KIF13B: variants seen among roughly 807,000 people sequenced by gnomAD.
KIF13B encodes kinesin family member 13B, also known as kinesin-like protein KIF13B.
In KIF13B, 127 loss-of-function variants were observed where a neutral mutation model predicts 222.0. The ratio of observed to expected loss-of-function variants is 0.57; its 90% CI spans 0.50 to 0.66. The LOEUF (loss-of-function observed/expected upper bound fraction) is 0.66. KIF13B is among the 30% of genes least tolerant of loss of function. KIF13B has a pLI of 0.00. For missense variants in KIF13B, 2,173 were observed against 2,379.0 expected (o/e 0.91, Z 1.80); for synonymous variants, 976 against 919.0 (o/e 1.06, Z -1.12).
chr8:29,202,420 C>T (rs555268084), intron 2 of KIF13B, among the ~76,000 whole-genome samples: 2 of 152,210 alleles, frequency 1.3e-5, no homozygotes, highest in East Asian at 3.9e-4. Flanking sequence ...TGGGTTCAAG[C>T]GATTCTTCTG....
At chr8:29,229,325 C>T (rs1285255524) in intron 2 of KIF13B, among the ~76,000 whole-genome samples, 2 of 152,112 alleles carry the variant, frequency 1.3e-5, no homozygotes, top group Non-Finnish European at 2.9e-5. Flanking sequence ...CGAGCTTAGG[C>T]AGATCTGAGT....
Position 29,113,442 on chromosome 8 carries a change from T to C in KIF13B, c.3930+21A>G, listed in dbSNP as rs1217571269. ...TTTTTAAGTGTTTATTTTTAGTAAA[T>C]TTAAATTGTATATCCTTCACCTCTG... On this transcript the variant is annotated intron_variant, in intron 32 of 39. Coordinates refer to ENST00000524189, the MANE Select transcript of KIF13B (RefSeq NM_015254.4). 5 of 1,449,896 alleles carry C rather than the reference T, an allele frequency of 3.4e-6. No individual in the cohort carries two copies. In the South Asian group the frequency reaches 5.0e-5, roughly 14 times the overall value. The allele number at this position is 1,449,896 out of a possible 1,614,324, so 89.8% of individuals were successfully genotyped here.
At chr8:29,204,022 A>G (rs1318348180) in intron 2 of KIF13B, among the ~76,000 whole-genome samples, 3 of 152,168 alleles carry the variant, frequency 2.0e-5, no homozygotes, top group Non-Finnish European at 2.9e-5. Flanking sequence ...AAGAGCAGTT[A>G]GACATCTCCT....
chr8:29,173,106 G>A (rs995024937), intron 10 of KIF13B, among the ~76,000 whole-genome samples: 2 of 151,938 alleles, frequency 1.3e-5, no homozygotes, highest in African/African-American at 2.4e-5. Context: ...GTAGAGATGC[G>A]ATTTCACCAT....
chr8:29,127,907 AAAC>A (rs1810186463), intron 24 of KIF13B, among the ~76,000 whole-genome samples: 1 of 152,040 alleles, frequency 6.6e-6, no homozygotes, highest in South Asian at 2.1e-4. Context: ...GTTTTATACA[AAAC>A]AATAACCTTA....
intron 36 of KIF13B, 131 bp downstream of exon 36, chr8:29,099,002 G>A: frequency 2.6e-6 from 2 of 758,462 alleles, no homozygotes; most frequent in Non-Finnish European, 2.3e-6. Context: ...AACCTGTTAA[G>A]AGGAGAAATG....
intron 2 of KIF13B, among the ~76,000 whole-genome samples, chr8:29,231,742 T>C (rs1453850577): frequency 2.6e-5 from 4 of 152,186 alleles, no homozygotes; most frequent in Non-Finnish European, 4.4e-5. Context: ...CACAGTAATT[T>C]TGTAGCTGTT....
chr8:29,179,673 G>C (rs1454610149), intron 8 of KIF13B, among the ~76,000 whole-genome samples: 1 of 152,298 alleles, frequency 6.6e-6, no homozygotes, highest in East Asian at 1.9e-4. Flanking sequence ...TGCTGGCAGC[G>C]GGACTGGGGA....
Position 29,070,832 on chromosome 8 carries a change from T to G in KIF13B, c.5219-66A>C. The G allele has an allele frequency of 6.5e-7, 1 of 1,530,390 alleles. No homozygotes were observed. The highest frequency in any genetic ancestry group is 2.4e-5 in the East Asian group (1 of 41,116). 94.8% of individuals were successfully genotyped at this position (1,530,390 alleles called of 1,614,324 possible). On this transcript the variant is annotated intron_variant, in intron 39 of 39. Coordinates refer to ENST00000524189, the MANE Select transcript of KIF13B (RefSeq NM_015254.4). This position sits in a 1 kb window ranked among gnomAD's most constrained non-coding sequence, Gnocchi z 4.1. ...TGCAGACGGCCCCCTGCACCTCCCT[T>G]ACCTCTGCAGAGGCCATGTGCCCAC...
chr8:29,085,750 T>C (rs1314409003), intron 37 of KIF13B, among the ~76,000 whole-genome samples: 5 of 106,846 alleles, frequency 4.7e-5, no homozygotes, highest in Non-Finnish European at 5.1e-5. Flanking sequence ...GGAGCCAGGC[T>C]GGGATGGGAG....
intron 2 of KIF13B, among the ~76,000 whole-genome samples, chr8:29,204,150 C>T (rs1404583366): frequency 6.6e-6 from 1 of 152,130 alleles, no homozygotes; most frequent in East Asian, 1.9e-4. Context: ...CTTCCACCCA[C>T]ACAAACAACA....
intron 35 of KIF13B, among the ~76,000 whole-genome samples, chr8:29,105,054 A>AC (rs1808988994): frequency 6.6e-6 from 1 of 151,196 alleles, no homozygotes; most frequent in Admixed American, 6.6e-5. Flanking sequence ...GTGGCCTCAA[A>AC]CTCCCGGGCT....
chr8:29,189,118 A>G (rs1353915971), intron 4 of KIF13B, among the ~76,000 whole-genome samples: 1 of 152,190 alleles, frequency 6.6e-6, no homozygotes, highest in Admixed American at 6.5e-5. Flanking sequence ...AATCATGGAC[A>G]TAAAGAACAG....
At chr8:29,117,499 C>T (rs184229484) in intron 30 of KIF13B, among the ~76,000 whole-genome samples, 1 of 152,306 alleles carries the variant, frequency 6.6e-6, no homozygotes, top group Non-Finnish European at 1.5e-5. Context: ...CGGAACCACA[C>T]ACTGCCTTTA....
intron 37 of KIF13B, among the ~76,000 whole-genome samples, chr8:29,092,375 A>C (rs1273935054): frequency 3.9e-5 from 6 of 152,224 alleles, no homozygotes; most frequent in African/African-American, 1.2e-4. Context: ...CATGATATAA[A>C]ATTGTTTGAA....
intron 2 of KIF13B, among the ~76,000 whole-genome samples, chr8:29,217,631 A>T (rs2130508317): frequency 6.6e-6 from 1 of 152,356 alleles, no homozygotes; most frequent in African/African-American, 2.4e-5. Context: ...GAACAAAGAG[A>T]AAGAATTTCT....
rs1411912384 is a variant in KIF13B at position 29,167,543 on chromosome 8, C to T, written c.988G>A (p.Val330Met). The change falls in exon 11 of 40, where the codon GTG becomes ATG. Residue 330 changes from valine to methionine, a missense_variant. Coordinates refer to ENST00000524189, the MANE Select transcript of KIF13B (RefSeq NM_015254.4). ...TCATAGTTATCAGCTGCAGGACTCA[C>T]AGTAGCCACCATGGCGGTCTTGCTG... ...GNSKTAMVAT[V>M]SPAADNYDET... 1.2e-6 allele frequency: 2 copies of T among 1,613,894 alleles called. No homozygotes were observed. The highest frequency in any genetic ancestry group is 3.3e-5 in the Admixed American group (2 of 60,010).
At chr8:29,135,712 T>C (rs755833489) in intron 21 of KIF13B, among the ~76,000 whole-genome samples, 5 of 152,112 alleles carry the variant, frequency 3.3e-5, no homozygotes, top group Non-Finnish European at 7.3e-5. Flanking sequence ...CTGGCCGACA[T>C]GGTGAAACCC....
At chr8:29,089,286 A>G (rs1283286165) in intron 37 of KIF13B, among the ~76,000 whole-genome samples, 1 of 152,140 alleles carries the variant, frequency 6.6e-6, no homozygotes, top group African/African-American at 2.4e-5. Flanking sequence ...AAATATTTAA[A>G]AAGTTAGCTG....
Sources: gnomAD v4.1 joint callset for allele counts (sites outside exome capture counted in the v4.1 genomes callset) on GRCh38, gnomAD v4.1.1 for gene constraint, Gnocchi (gnomAD v3.1) non-coding constraint, MANE v1.5 for transcripts, NCBI Gene and HGNC (gene_info 2026-07-23, HGNC 2026-07-21) for gene names.